SRSF11: variants seen among roughly 807,000 people sequenced by gnomAD.
The protein encoded by SRSF11 is serine and arginine rich splicing factor 11.
In SRSF11, 9 loss-of-function variants were observed where a neutral mutation model predicts 56.0. The observed-to-expected ratio is 0.16, with a 90% CI of 0.10 to 0.28. SRSF11 has a LOEUF of 0.28. SRSF11 is among the 10% of genes least tolerant of loss of function. The pLI is 1.00. For missense variants in SRSF11, 421 were observed against 600.7 expected (o/e 0.70, Z 3.13); for synonymous variants, 222 against 215.3 (o/e 1.03, Z -0.27).
intron 1 of SRSF11, among the ~76,000 whole-genome samples, chr1:70,208,768 G>C (rs1475199875): frequency 6.6e-6 from 1 of 152,178 alleles, no homozygotes; most frequent in East Asian, 1.9e-4. Context: ...CTTCAACTGA[G>C]CTTCTTTATG....
chr1:70,208,396 C>T (rs1669249446), intron 1 of SRSF11, among the ~76,000 whole-genome samples: 1 of 152,058 alleles, frequency 6.6e-6, no homozygotes, highest in Non-Finnish European at 1.5e-5. Context: ...TGCAATGGCT[C>T]AACCTTGGTC....
intron 1 of SRSF11, among the ~76,000 whole-genome samples, chr1:70,209,159 C>T (rs1016395656): frequency 1.3e-5 from 2 of 152,140 alleles, no homozygotes; most frequent in Non-Finnish European, 2.9e-5. Flanking sequence ...TGTTTCATAA[C>T]AGAAAGTAAG....
chr1:70,210,877 T>A (rs74685035), intron 1 of SRSF11, among the ~76,000 whole-genome samples: 1 of 152,106 alleles, frequency 6.6e-6, no homozygotes. Context: ...AAAAAAAAAT[T>A]ATCAAAAATG....
At chr1:70,240,238 C>T (rs1675034203) in intron 7 of SRSF11, among the ~76,000 whole-genome samples, 1 of 152,182 alleles carries the variant, frequency 6.6e-6, no homozygotes, top group Non-Finnish European at 1.5e-5. Flanking sequence ...ATTAATAGTA[C>T]TGAAGGGGGA....
chr1:70,240,487 C>G (rs74088029), intron 7 of SRSF11, among the ~76,000 whole-genome samples: 27 of 152,186 alleles, frequency 1.8e-4, no homozygotes, highest in Non-Finnish European at 2.2e-4. Context: ...TTTGTTATTA[C>G]TTTGAAAATA....
chr1:70,214,796 T>C (rs1022494803), intron 1 of SRSF11, among the ~76,000 whole-genome samples: 9 of 152,000 alleles, frequency 5.9e-5, no homozygotes, highest in African/African-American at 2.2e-4. Flanking sequence ...TAAATAGATA[T>C]TAATATTTAT....
intron 6 of SRSF11, among the ~76,000 whole-genome samples, chr1:70,238,196 A>G (rs1674536058): frequency 6.6e-6 from 1 of 152,200 alleles, no homozygotes; most frequent in East Asian, 1.9e-4. Context: ...TATATGTATT[A>G]TGTTATTTAA....
At chr1:70,228,740 G>A (rs929813752) in intron 2 of SRSF11, 185 bp downstream of exon 2, 5 of 1,271,246 alleles carry the variant, frequency 3.9e-6, no homozygotes, top group African/African-American at 1.5e-5. Context: ...AATTAGGTCT[G>A]TTATTATAAG....
At chr1:70,243,375 A>G (rs1181882987) in intron 7 of SRSF11, among the ~76,000 whole-genome samples, 9 of 101,194 alleles carry the variant, frequency 8.9e-5, no homozygotes, top group African/African-American at 3.3e-4. Context: ...AAAAAAAAAC[A>G]CAGTGTGTAG....
rs747385054 is a variant in SRSF11 at position 70,237,414 on chromosome 1, T to G, written c.591-11T>G. On this transcript the variant is annotated splice_polypyrimidine_tract_variant and intron_variant, in intron 5 of 11. Transcript: ENST00000370949. ...AAATATTTCAGATCCCATTTCTTGG[T>G]TCTGTTTCAGGTTGAATCATGTAGC... 5 of 1,611,616 alleles carry G rather than the reference T, an allele frequency of 3.1e-6. No homozygotes were observed. The highest frequency in any genetic ancestry group is 4.2e-6 in the Non-Finnish European group (5 of 1,179,658).
intron 1 of SRSF11, among the ~76,000 whole-genome samples, chr1:70,206,825 A>G (rs982138733): frequency 2.7e-4 from 41 of 151,564 alleles, no homozygotes; most frequent in Middle Eastern, 3.5e-3. Flanking sequence ...TTACACTAAT[A>G]TCGAACAAGA....
intron 1 of SRSF11, among the ~76,000 whole-genome samples, chr1:70,216,263 C>T (rs149987203): frequency 4.2e-4 from 64 of 152,030 alleles, no homozygotes; most frequent in African/African-American, 1.5e-3. Flanking sequence ...GCCAATATCA[C>T]GCACCAGTTA....
intron 1 of SRSF11, among the ~76,000 whole-genome samples, chr1:70,215,348 A>G (rs1246677066): frequency 6.6e-6 from 1 of 152,222 alleles, no homozygotes; most frequent in Non-Finnish European, 1.5e-5. Flanking sequence ...ACAAATACAT[A>G]CCATCTTCAT....
chr1:70,227,402 C>T (rs1558169649), intron 1 of SRSF11, among the ~76,000 whole-genome samples: 1 of 152,070 alleles, frequency 6.6e-6, no homozygotes, highest in Non-Finnish European at 1.5e-5. Context: ...ATAAAATTGT[C>T]AGAGAGAATT....
At chr1:70,249,875 A>AG (rs1015136509) in intron 9 of SRSF11, 77 bp from the exon 10 acceptor site, 35 of 1,457,266 alleles carry the variant, frequency 2.4e-5, no homozygotes, top group Non-Finnish European at 2.8e-5. Flanking sequence ...TTTCATTGTT[A>AG]GAATCATCTA....
chr1:70,239,400 A>G, intron 6 of SRSF11, 39 bp from the exon 7 acceptor site: 2 of 1,481,508 alleles, frequency 1.3e-6, no homozygotes, highest in Non-Finnish European at 1.9e-6. Context: ...CCCCTATTTA[A>G]TAACTTCTAA....
chr1:70,207,471 C>G (rs1236180620), intron 1 of SRSF11, among the ~76,000 whole-genome samples: 1 of 152,064 alleles, frequency 6.6e-6, no homozygotes, highest in East Asian at 1.9e-4. Context: ...CAAAACCTTT[C>G]TTTTTAATCA....
chr1:70,245,997 TAA>T (rs1676657679), intron 8 of SRSF11, among the ~76,000 whole-genome samples: 2 of 151,864 alleles, frequency 1.3e-5, no homozygotes, highest in Middle Eastern at 3.4e-3. Flanking sequence ...GAACCAATGA[TAA>T]AGATTGAATG....
At chr1:70,231,300 T>C (rs1249880280) in intron 2 of SRSF11, 1 of 1,168,462 alleles carries the variant, frequency 8.6e-7, no homozygotes, top group South Asian at 1.8e-5. Context: ...TGAACTCTCA[T>C]TTTGGGGGCT....
Sources: gnomAD v4.1 joint callset for allele counts (sites outside exome capture counted in the v4.1 genomes callset) on GRCh38, gnomAD v4.1.1 for gene constraint, MANE v1.5 for transcripts, NCBI Gene and HGNC (gene_info 2026-07-23, HGNC 2026-07-21) for gene names.